PSME4: variants seen among roughly 807,000 people sequenced by gnomAD.
The protein encoded by PSME4 is proteasome activator complex subunit 4.
A neutral mutation model predicts 253.9 loss-of-function variants in PSME4; 89 were observed. That is an observed-to-expected ratio of 0.35 (90% CI 0.30 to 0.42). PSME4 has a LOEUF of 0.42. Among genes scored for constraint, PSME4 ranks in the 10% least tolerant of loss-of-function variants. The probability of loss-of-function intolerance (pLI) is 1.00; values close to 1 mark genes in which losing one functional copy is unlikely to be tolerated. For synonymous variants in PSME4, 851 were observed against 759.2 expected, an observed-to-expected ratio of 1.12 and a Z score of -1.99; for missense variants, 2,014 against 2,195.2, an observed-to-expected ratio of 0.92 and a Z score of 1.65.
intron 16 of PSME4, 88 bp from the exon 17 acceptor site, chr2:53,922,672 A>G (rs538494080): frequency 5.5e-4 from 791 of 1,440,322 alleles, no homozygotes; most frequent in Non-Finnish European, 7.1e-4. Context: ...AATATTTCCA[A>G]TAGCTGAGGA....
chr2:53,890,149 G>T lies in PSME4; in HGVS notation c.4251C>A (p.Thr1417=). ...CTCCCCAGTCATTATAAGTTTCTAC[G>T]GTAATATTGGACAGTGCTGTTCTAA... ...PLLRTALSNI[T]VETYNDWGAC... is the part of the protein sequence containing the mutation. Residue 1417 remains threonine (T), a synonymous_variant, in exon 37 of 47, where the codon ACC becomes ACA. Transcript: ENST00000404125. 1 of 1,613,860 alleles carries T rather than the reference G, an allele frequency of 6.2e-7. No individual in the cohort carries two copies. Among genetic ancestry groups the T allele is most frequent in the South Asian group, 1.1e-5 (1 of 91,060 alleles).
intron 29 of PSME4, among the ~76,000 whole-genome samples, chr2:53,899,210 G>A (rs779004480): frequency 6.6e-5 from 10 of 151,918 alleles, no homozygotes; most frequent in South Asian, 2.1e-4. Context: ...GACTGTAGGC[G>A]CGTGCCACCA....
intron 43 of PSME4, among the ~76,000 whole-genome samples, chr2:53,872,473 T>C (rs985919465): frequency 1.3e-5 from 2 of 152,048 alleles, no homozygotes; most frequent in African/African-American, 2.4e-5. Context: ...TAAACCTCTA[T>C]ATGGAAGAAA....
chr2:53,970,756 C>A lies in PSME4; in HGVS notation c.29G>T (p.Gly10Val). 1 of 1,544,734 alleles carries A rather than the reference C, an allele frequency of 6.5e-7. No individual in the cohort carries two copies. Among genetic ancestry groups the A allele is most frequent in the Non-Finnish European group, 8.7e-7 (1 of 1,145,050 alleles). The change falls in exon 1 of 47, where the codon GGA becomes GTA. Residue 10 changes from glycine to valine, a missense_variant. Transcript: ENST00000404125. Reference protein sequence around the residue: MEPAERAGVGEPPEPGGRPE... With the variant: MEPAERAGVVEPPEPGGRPE... Reference sequence around the variant, plus strand: ...ACGCCCGCCCGGCTCCGGGGGCTCTCCGACTCCCGCCCGCTCGGCCGGCTC... The same window carrying A: ...ACGCCCGCCCGGCTCCGGGGGCTCTACGACTCCCGCCCGCTCGGCCGGCTC...
chr2:53,961,212 A>G (rs1670482964), intron 1 of PSME4, among the ~76,000 whole-genome samples: 1 of 152,196 alleles, frequency 6.6e-6, no homozygotes, highest in South Asian at 2.1e-4. Context: ...TTAACATTCC[A>G]ATAGAGGTCT....
chr2:53,954,999 G>A (rs549131342), intron 1 of PSME4, among the ~76,000 whole-genome samples: 1 of 151,308 alleles, frequency 6.6e-6, no homozygotes, highest in Non-Finnish European at 1.5e-5. Context: ...GGGTAACAAG[G>A]AGACCCCGTC....
intron 26 of PSME4, among the ~76,000 whole-genome samples, chr2:53,904,974 C>T (rs970127381): frequency 1.4e-5 from 2 of 147,582 alleles, no homozygotes; most frequent in Non-Finnish European, 1.5e-5. Flanking sequence ...GGTGACAGAG[C>T]GAGACTCCGT....
Position 53,920,985 on chromosome 2 carries a change from A to C in PSME4, c.2166T>G (p.His722Gln), listed in dbSNP as rs1050278374. Residue 722 changes from histidine to glutamine, a missense_variant, in exon 18 of 47, where the codon CAT becomes CAG. Physicochemically the swap from His to Gln is conservative, Grantham distance 24 (BLOSUM62 0). Coordinates refer to ENST00000404125, the MANE Select transcript of PSME4 (RefSeq NM_014614.3). Reference sequence around the variant, plus strand: ...TAAGTGTGGTAGAACGGAGAAGATGATGCAAAAGGTTACAAGACAGAGTGT... The same window carrying C: ...TAAGTGTGGTAGAACGGAGAAGATGCTGCAAAAGGTTACAAGACAGAGTGT... ...QGYTLSCNLL[H>Q]HLLRSTTLIY... is the part of the protein sequence containing the mutation. 1.2e-6 allele frequency: 2 copies of C among 1,613,946 alleles called. No individual in the cohort carries two copies. The highest frequency in any genetic ancestry group is 2.7e-5 in the African/African-American group (2 of 74,922).
Position 53,934,681 on chromosome 2 carries a change from C to T in PSME4, c.881G>A (p.Ser294Asn). 4 of 1,606,224 alleles carry T rather than the reference C, an allele frequency of 2.5e-6. No homozygotes were observed. Among genetic ancestry groups the T allele is most frequent in the African/African-American group, 1.3e-5 (1 of 74,862 alleles). ...TAAAAATCTTGGGACTAACACTTGACTGCTTCCCACTGGGAGGTTCAAGCT... is the reference window on the plus strand; with the variant it reads ...TAAAAATCTTGGGACTAACACTTGATTGCTTCCCACTGGGAGGTTCAAGCT... ...LRSLNLPVGS[S>N]QVLVPRFLTN... is the part of the protein sequence containing the mutation. Residue 294 changes from serine to asparagine, a missense_variant, in exon 8 of 47, where the codon AGT becomes AAT. Ser to Asn is a conservative substitution (Grantham distance 46, BLOSUM62 1). Coordinates refer to ENST00000404125, the MANE Select transcript of PSME4 (RefSeq NM_014614.3).
Position 53,970,984 on chromosome 2 carries a change from C to T in PSME4, c.-200G>A, listed in dbSNP as rs555034873. ...GCTCTCAGTTCGTTGGCGGCGGCAG[C>T]GGCCGCTCTGCCCGCCCCGCACCGG... On this transcript the variant is annotated 5_prime_UTR_variant, in exon 1 of 47. Coordinates refer to ENST00000404125, the MANE Select transcript of PSME4 (RefSeq NM_014614.3). 5.0e-4 allele frequency: 232 copies of T among 462,650 alleles called. 6 individuals are homozygous for T. In the South Asian group the frequency reaches 0.01, roughly 21 times the overall value. 28.7% of individuals were successfully genotyped at this position (462,650 alleles called of 1,614,324 possible). A position where few individuals can be genotyped will look rare whatever the true frequency, so the allele number is the denominator to read the frequency against.
chr2:53,898,267 T>A (rs377307307), intron 30 of PSME4, 34 bp downstream of exon 30: 5 of 1,570,992 alleles, frequency 3.2e-6, no homozygotes, highest in Non-Finnish European at 4.3e-6. Flanking sequence ...TTATGAAAAA[T>A]GCTGTGAGAA....
chr2:53,958,817 T>G (rs1466234981), intron 1 of PSME4, among the ~76,000 whole-genome samples: 1 of 149,522 alleles, frequency 6.7e-6, no homozygotes, highest in South Asian at 2.1e-4. Flanking sequence ...GAATACATAT[T>G]TAAAAAAAAA....
At chr2:53,911,020 T>C (rs1268685246) in intron 20 of PSME4, among the ~76,000 whole-genome samples, 1 of 152,206 alleles carries the variant, frequency 6.6e-6, no homozygotes, top group South Asian at 2.1e-4. Flanking sequence ...AAGAAAATAC[T>C]ATTTTTAAAT....
At chr2:53,951,570 G>C (rs1207993326) in intron 1 of PSME4, among the ~76,000 whole-genome samples, 1 of 152,182 alleles carries the variant, frequency 6.6e-6, no homozygotes, top group East Asian at 1.9e-4. Context: ...CAAATATAGA[G>C]GGAGGAGCAA....
chr2:53,935,178 T>A (rs946444560), intron 7 of PSME4, among the ~76,000 whole-genome samples: 7 of 152,226 alleles, frequency 4.6e-5, no homozygotes, highest in Admixed American at 1.3e-4. Context: ...TTCAAAATTT[T>A]AATGGTGATT....
chr2:53,901,670 T>A (rs1300058478), intron 27 of PSME4, 111 bp from the exon 28 acceptor site: 2 of 738,530 alleles, frequency 2.7e-6, no homozygotes, highest in Non-Finnish European at 4.2e-6. Flanking sequence ...ACTTAAATGC[T>A]TAATATTGGT....
chr2:53,949,306 C>A, intron 1 of PSME4, 23 bp from the exon 2 acceptor site: 3 of 1,469,678 alleles, frequency 2.0e-6, no homozygotes, highest in South Asian at 1.3e-5. Flanking sequence ...AATAGATATA[C>A]CCTTTAAAAA....
intron 3 of PSME4, among the ~76,000 whole-genome samples, chr2:53,941,498 G>C (rs1443912472): frequency 6.6e-6 from 1 of 151,868 alleles, no homozygotes; most frequent in Non-Finnish European, 1.5e-5. Context: ...CCACAGCTAT[G>C]ATTTTTATTT....
At chr2:53,928,061 G>T in intron 11 of PSME4, 56 bp downstream of exon 11, 2 of 1,390,998 alleles carry the variant, frequency 1.4e-6, no homozygotes, top group Non-Finnish European at 2.0e-6. Context: ...TTGTCACTGA[G>T]AAGTTTACTT....
Sources: allele counts gnomAD v4.1 joint callset (sites outside exome capture counted in the v4.1 genomes callset), GRCh38; gene constraint gnomAD v4.1.1; transcripts MANE v1.5; gene names NCBI Gene and HGNC (gene_info 2026-07-23, HGNC 2026-07-21).